The following MMP19 variants were observed in gnomAD, a reference collection of about 807,000 sequenced individuals.
MMP19 encodes matrix metallopeptidase 19.
In MMP19, 47 loss-of-function variants were observed where a neutral mutation model predicts 46.6. The ratio of observed to expected loss-of-function variants is 1.01; its 90% CI spans 0.80 to 1.29. The LOEUF (loss-of-function observed/expected upper bound fraction) is 1.29. Among genes scored for constraint, MMP19 ranks in the 50% most tolerant of loss-of-function variants. The probability of loss-of-function intolerance (pLI) is 0.00; values close to 1 mark genes in which losing one functional copy is unlikely to be tolerated. For synonymous variants in MMP19, 222 were observed against 248.5 expected (o/e 0.89, Z 1.00); for missense variants, 589 against 643.5 (o/e 0.92, Z 0.92).
At chr12:55,841,266 G>C in intron 2 of MMP19, 30 bp from the exon 3 acceptor site, 1 of 1,597,840 alleles carries the variant, frequency 6.3e-7, no homozygotes, top group Non-Finnish European at 8.5e-7. Context: ...GGGTCTACCA[G>C]GACAGGAAAA....
chr12:55,840,815 T>TGGAAGG lies in MMP19; in HGVS notation c.371_372insCCTTCC (p.Thr124_Ala125insLeuPro). ...AGGCTTGACGCAGGGCTGCCCGGGC[T>TGGAAGG]GTGTGGGGTGGAAGGGTGGAGGGCA... On this transcript the variant is annotated inframe_insertion, in exon 4 of 9. Transcript: ENST00000322569. 6.2e-7 allele frequency: 1 copy of TGGAAGG among 1,611,070 alleles called. No individual in the cohort carries two copies.
At chr12:55,841,360 G>A (rs976045811) in intron 2 of MMP19, 124 bp from the exon 3 acceptor site, 18 of 1,106,254 alleles carry the variant, frequency 1.6e-5, no homozygotes, top group African/African-American at 3.1e-5. Context: ...CCCTGAAGCT[G>A]ACAGGGTTAC....
intron 6 of MMP19, chr12:55,838,270 C>A: frequency 1.6e-6 from 1 of 621,340 alleles, no homozygotes; most frequent in Non-Finnish European, 2.8e-6. Flanking sequence ...CCTCACCCTC[C>A]CCTCCAAGTG....
chr12:55,840,628 C>T (rs763974962), intron 4 of MMP19, 39 bp downstream of exon 4: 5 of 1,582,902 alleles, frequency 3.2e-6, no homozygotes, highest in Non-Finnish European at 4.3e-6. Flanking sequence ...GAGGTAATCT[C>T]AGAGGTCTAT....
In MMP19 at chr12:55,837,636, G is replaced by C; in HGVS notation, c.1107C>G (p.Phe369Leu). ...GTTCTACCCTATTCAGCTTCTTGGG[G>C]AAGCCAGGAGACATCTTGAAATTAA... ...RYINFKMSPG[F>L]PKKLNRVEPN... The change falls in exon 8 of 9, where the codon TTC becomes TTG. Residue 369 changes from phenylalanine to leucine, a missense_variant. Transcript: ENST00000322569. The C allele has an allele frequency of 6.2e-7, 1 of 1,614,220 alleles. No homozygotes were observed. The highest frequency in any genetic ancestry group is 8.5e-7 in the Non-Finnish European group (1 of 1,180,046).
chr12:55,837,247 C>T lies in MMP19; in HGVS notation c.1316G>A (p.Arg439Gln), dbSNP rs145643499. 2.1e-4 allele frequency: 333 copies of T among 1,614,212 alleles called. 2 individuals are homozygous for T. In the East Asian group the frequency reaches 3.1e-3, roughly 15 times the overall value. Reference sequence around the variant, plus strand: ...GACTTTGCCCTTGAAGAAGTAGACTCGGCCATCTTGCCAACTCATAGCAGC... The same window carrying T: ...GACTTTGCCCTTGAAGAAGTAGACTTGGCCATCTTGCCAACTCATAGCAGC... ...PSAAMSWQDG[R>Q]VYFFKGKVYW... Residue 439 changes from arginine (R) to glutamine (Q), a missense_variant, in exon 9 of 9, where the codon CGA becomes CAA. Transcript: ENST00000322569.
chr12:55,841,398 C>A (rs1881685709), intron 2 of MMP19, 162 bp from the exon 3 acceptor site: 2 of 679,268 alleles, frequency 2.9e-6, no homozygotes, highest in African/African-American at 3.6e-5. Context: ...ATAACTGGGA[C>A]TTTCTCTTCT....
In MMP19 at chr12:55,836,133, TC is replaced by T; in HGVS notation, c.*902del. 1 of 152,176 alleles carries T rather than the reference TC, an allele frequency of 6.6e-6. No homozygotes were observed. The highest frequency in any genetic ancestry group is 2.4e-5 in the African/African-American group (1 of 41,430). The allele number at this position is 152,176 out of a possible 1,614,324, so 9.4% of individuals were successfully genotyped here. On this transcript the variant is annotated 3_prime_UTR_variant, in exon 9 of 9. Coordinates refer to ENST00000322569, the MANE Select transcript of MMP19 (RefSeq NM_002429.6). ...TCTGACTCTCCTGCGCAGGGTCTGTTCCTGGTTTCCCAGATGCATAAAGGAA... is the reference window on the plus strand; with the variant it reads ...TCTGACTCTCCTGCGCAGGGTCTGTTCTGGTTTCCCAGATGCATAAAGGAA...
In MMP19 at chr12:55,840,820, G is replaced by T. The variant is rs748005229; in HGVS notation, c.367C>A (p.His123Asn). 2.5e-6 allele frequency: 4 copies of T among 1,609,698 alleles called. No individual in the cohort carries two copies. In the Admixed American group the frequency reaches 5.0e-5, roughly 20 times the overall value. The change falls in exon 4 of 9, where the codon CAC (histidine) becomes AAC (asparagine). Residue 123 changes from histidine to asparagine, a missense_variant. His to Asn is a moderately conservative substitution (Grantham distance 68). Transcript: ENST00000322569. ...TGACGCAGGGCTGCCCGGGCTGTGTGGGGTGGAAGGGTGGAGGGCAGGTTC... is the reference window on the plus strand; with the variant it reads ...TGACGCAGGGCTGCCCGGGCTGTGTTGGGTGGAAGGGTGGAGGGCAGGTTC... ...ILNLPSTLPP[H>N]TARAALRQAF...
chr12:55,841,462 T>A (rs1277473918), intron 2 of MMP19: 4 of 494,412 alleles, frequency 8.1e-6, no homozygotes, highest in Non-Finnish European at 1.1e-5. Context: ...CAGTGTCTTT[T>A]ATTTGAGTAA....
rs1030115330 is a variant in MMP19, at chr12:55,840,981, AACCAGGTAATC to A, written c.305-110_305-100del. On this transcript the variant is annotated intron_variant, in intron 3 of 8. Transcript: ENST00000322569. Reference sequence around the variant, plus strand: ...GCACTCAACCCCCAAGACAGGTGACAACCAGGTAATCACCAGGTGATTATCTATTCAACACT... The same window carrying A: ...GCACTCAACCCCCAAGACAGGTGACAACCAGGTGATTATCTATTCAACACT... 1.4e-5 allele frequency: 21 copies of A among 1,531,214 alleles called. No individual in the cohort carries two copies. In the African/African-American group the frequency reaches 2.7e-4, roughly 20 times the overall value. The allele number at this position is 1,531,214 out of a possible 1,614,324, so 94.9% of individuals were successfully genotyped here.
In MMP19 at chr12:55,836,068, A is replaced by G. The variant is rs1020701083; in HGVS notation, c.*968T>C. 2 of 152,108 alleles carry G rather than the reference A, an allele frequency of 1.3e-5. No homozygotes were observed. 9.4% of individuals were successfully genotyped at this position (152,108 alleles called of 1,614,324 possible). ...TGGCACTAATTTCCTCCTTAACCAGAACTTTGTTCCAGCCACTGACCCATT... is the reference window on the plus strand; with the variant it reads ...TGGCACTAATTTCCTCCTTAACCAGGACTTTGTTCCAGCCACTGACCCATT... On this transcript the variant is annotated 3_prime_UTR_variant, in exon 9 of 9. Coordinates refer to ENST00000322569, the MANE Select transcript of MMP19 (RefSeq NM_002429.6).
At chr12:55,841,518 C>A (rs554001489) in intron 2 of MMP19, 179 of 230,378 alleles carry the variant, frequency 7.8e-4, no homozygotes, top group African/African-American at 4.1e-3. Flanking sequence ...AATCTTCCTT[C>A]CTTCCTTCCT....
chr12:55,838,467 TC>T, intron 6 of MMP19, 138 bp downstream of exon 6: 1 of 1,594,562 alleles, frequency 6.3e-7, no homozygotes, highest in Non-Finnish European at 8.5e-7. Context: ...GTCACATGTC[TC>T]CTTCCATGGT....
At chr12:55,842,677 C>A in intron 1 of MMP19, 67 bp downstream of exon 1, 1 of 1,337,134 alleles carries the variant, frequency 7.5e-7, no homozygotes, top group East Asian at 2.5e-5. Context: ...AGGGAGGCTT[C>A]GATGGGGCTG....
intron 4 of MMP19, 36 bp from the exon 5 acceptor site, chr12:55,839,777 G>A: frequency 6.3e-7 from 1 of 1,586,202 alleles, no homozygotes; most frequent in Non-Finnish European, 8.6e-7. Flanking sequence ...AAGGAGGTCA[G>A]AGCCCGCTAG....
Position 55,835,542 on chromosome 12 carries a change from G to A in MMP19, c.*1494C>T, listed in dbSNP as rs1027359123. ...GATCCTCCTGCTTCAGCCTCCCAAA[G>A]TGCTAGGATTATAGCCACCGCACCT... On this transcript the variant is annotated 3_prime_UTR_variant, in exon 9 of 9. Coordinates refer to ENST00000322569, the MANE Select transcript of MMP19 (RefSeq NM_002429.6). 6.6e-6 allele frequency: 1 copy of A among 152,242 alleles called. No homozygotes were observed. Among genetic ancestry groups the A allele is most frequent in the East Asian group, 1.9e-4 (1 of 5,204 alleles). The allele number at this position is 152,242 out of a possible 1,614,324, so 9.4% of individuals were successfully genotyped here.
At chr12:55,838,351 T>C (rs141247857) in intron 6 of MMP19, 1 of 751,536 alleles carries the variant, frequency 1.3e-6, no homozygotes, top group African/African-American at 1.7e-5. Flanking sequence ...GTTTTCTCCA[T>C]CTTGCTGCAT....
chr12:55,836,931 G>A lies in MMP19; in HGVS notation c.*105C>T. The A allele has an allele frequency of 5.7e-6, 6 of 1,048,986 alleles. No homozygotes were observed. In the South Asian group the frequency reaches 9.3e-5, roughly 16 times the overall value. 65.0% of individuals were successfully genotyped at this position (1,048,986 alleles called of 1,614,324 possible). A position where few individuals can be genotyped will look rare whatever the true frequency, so the allele number is the denominator to read the frequency against. The stretch of plus-strand genomic sequence containing the variant: ...CTGCAAGGTTCTACTGAGCAGACAG[G>A]TATTTCATTCAGCTATTAGGCCTTA... On this transcript the variant is annotated 3_prime_UTR_variant, in exon 9 of 9. Transcript: ENST00000322569.
Sources: allele counts gnomAD v4.1 joint callset, GRCh38; gene constraint gnomAD v4.1.1; transcripts MANE v1.5; gene names NCBI Gene and HGNC (gene_info 2026-07-23, HGNC 2026-07-21).